Variants in CMYA5 observed in about 807,000 individuals in gnomAD.
The protein encoded by CMYA5 is cardiomyopathy-associated protein 5.
In CMYA5, 246 loss-of-function variants were observed where a neutral mutation model predicts 318.9. The observed-to-expected ratio is 0.77, with a 90% CI of 0.70 to 0.86. CMYA5 has a LOEUF of 0.86. Ranked by LOEUF, CMYA5 falls within the 40% of genes least tolerant of loss-of-function variation. The pLI is 0.00. For missense variants in CMYA5, 4,589 were observed against 4,678.2 expected (o/e 0.98, Z 0.56); for synonymous variants, 1,641 against 1,729.5 (o/e 0.95, Z 1.27).
intron 6 of CMYA5, among the ~76,000 whole-genome samples, chr5:79,757,821 C>G (rs1056155233): frequency 2.6e-5 from 4 of 152,210 alleles, no homozygotes; most frequent in Non-Finnish European, 5.9e-5. Flanking sequence ...AGAGTATTCT[C>G]AAGTGATCCC....
chr5:79,722,656 G>A (rs569451037), intron 1 of CMYA5, among the ~76,000 whole-genome samples: 2 of 126,208 alleles, frequency 1.6e-5, no homozygotes, highest in East Asian at 2.4e-4. Context: ...CAGCCTGGGT[G>A]ACAGAGTGAG....
chr5:79,759,361 G>T (rs1313511430), intron 7 of CMYA5, among the ~76,000 whole-genome samples: 1 of 152,366 alleles, frequency 6.6e-6, no homozygotes, highest in South Asian at 2.1e-4. Flanking sequence ...AGCATGGGAT[G>T]TCATGGGTGG....
At chr5:79,710,775 T>C (rs1259266862) in intron 1 of CMYA5, among the ~76,000 whole-genome samples, 1 of 152,198 alleles carries the variant, frequency 6.6e-6, no homozygotes, top group Non-Finnish European at 1.5e-5. Flanking sequence ...TGGGGCAAAA[T>C]GTATTAACAA....
In CMYA5 at chr5:79,753,584, T is replaced by A. The variant is rs539907081; in HGVS notation, c.11110+790T>A. Among the ~76,000 whole-genome samples the A allele has an allele frequency of 4.7e-5, 7 of 149,128 alleles. No individual in the cohort carries two copies. In the South Asian group the frequency reaches 1.5e-3, roughly 32 times the overall value. ...GGCAACATAGTAAGACCCCCATGTC[T>A]AAAAACAACAACAACAACAACAAAA... On this transcript the variant is annotated intron_variant, in intron 6 of 12. Transcript: ENST00000446378.
intron 1 of CMYA5, among the ~76,000 whole-genome samples, chr5:79,721,467 G>C (rs1030242557): frequency 2.0e-5 from 3 of 152,236 alleles, no homozygotes; most frequent in Non-Finnish European, 4.4e-5. Flanking sequence ...TGAACTAAAT[G>C]CTCTATTTAA....
Position 79,735,377 on chromosome 5 carries a change from A to C in CMYA5, c.6612A>C (p.Thr2204=), listed in dbSNP as rs766540048. 6.2e-6 allele frequency: 10 copies of C among 1,613,880 alleles called. No homozygotes were observed. The South Asian group carries it at 1.1e-4, about 18-fold the overall frequency. ...NKVAEQEDLE[T]QPSPSVEKAV... Reference sequence around the variant, plus strand: ...TTGCTGAACAAGAAGACTTAGAAACACAGCCAAGTCCATCCGTAGAAAAAG... The same window carrying C: ...TTGCTGAACAAGAAGACTTAGAAACCCAGCCAAGTCCATCCGTAGAAAAAG... The change falls in exon 2 of 13, where the codon ACA becomes ACC. Residue 2204 remains threonine (T), a synonymous_variant. Coordinates refer to ENST00000446378, the MANE Select transcript of CMYA5 (RefSeq NM_153610.5).
chr5:79,704,310 A>AC (rs1341544182), intron 1 of CMYA5, among the ~76,000 whole-genome samples: 1 of 151,924 alleles, frequency 6.6e-6, no homozygotes, highest in Non-Finnish European at 1.5e-5. Flanking sequence ...AAAGGGTATG[A>AC]CCCCCACTGT....
intron 11 of CMYA5, 142 bp downstream of exon 11, chr5:79,791,211 C>T (rs1829172744): frequency 1.7e-6 from 1 of 603,526 alleles, no homozygotes; most frequent in Non-Finnish European, 3.0e-6. Flanking sequence ...AATGTGTGCA[C>T]ATCCACACTG....
Position 79,730,676 on chromosome 5 carries a change from A to G in CMYA5, c.1911A>G (p.Glu637=). 1 of 1,614,014 alleles carries G rather than the reference A, an allele frequency of 6.2e-7. No individual in the cohort carries two copies. The highest frequency in any genetic ancestry group is 8.5e-7 in the Non-Finnish European group (1 of 1,179,874). The part of the protein sequence containing the change: ...HAVLSEEENE[E]FEAYSPAAAP... ...TTTTGTCAGAAGAAGAGAATGAGGA[A>G]TTTGAGGCTTATTCCCCAGCTGCAG... Residue 637 remains glutamate, a synonymous_variant, in exon 2 of 13, where the codon GAA becomes GAG. Transcript: ENST00000446378.
chr5:79,760,746 C>T (rs1240057714), intron 7 of CMYA5, among the ~76,000 whole-genome samples: 1 of 152,230 alleles, frequency 6.6e-6, no homozygotes, highest in Admixed American at 6.5e-5. Flanking sequence ...GGTGGGGACA[C>T]AGAACCAAAC....
In CMYA5 at chr5:79,799,791, A is replaced by G; in HGVS notation, c.*175A>G. 1 of 708,048 alleles carries G rather than the reference A, an allele frequency of 1.4e-6. No homozygotes were observed. The highest frequency in any genetic ancestry group is 2.2e-6 in the Non-Finnish European group (1 of 453,700). 43.9% of individuals were successfully genotyped at this position (708,048 alleles called of 1,614,324 possible). On this transcript the variant is annotated 3_prime_UTR_variant, in exon 13 of 13. Transcript: ENST00000446378. ...ATCGACAAGAAAACCTTGACTTTAC[A>G]GAGCAGTGTGTGAGTAAACAGAATG...
Position 79,732,354 on chromosome 5 carries a change from G to A in CMYA5, c.3589G>A (p.Glu1197Lys). 6.2e-7 allele frequency: 1 copy of A among 1,613,712 alleles called. No individual in the cohort carries two copies. The highest frequency in any genetic ancestry group is 1.6e-4 in the Middle Eastern group (1 of 6,062). ...AGCACTCACTCTAAAAGCTGCAGATGAACAGATGGCTTTGTCAAAAGTCAG... is the reference window on the plus strand; with the variant it reads ...AGCACTCACTCTAAAAGCTGCAGATAAACAGATGGCTTTGTCAAAAGTCAG... The part of the protein sequence containing the change: ...TAALTLKAAD[E>K]QMALSKVRKE... Residue 1197 changes from glutamate to lysine, a missense_variant, in exon 2 of 13, where the codon GAA becomes AAA. Glu to Lys is a moderately conservative substitution (Grantham distance 56). Transcript: ENST00000446378.
chr5:79,695,535 G>A (rs763615997), intron 1 of CMYA5, among the ~76,000 whole-genome samples: 9 of 152,184 alleles, frequency 5.9e-5, no homozygotes, highest in Non-Finnish European at 1.3e-4. Context: ...CATGTAGCTA[G>A]TGGCTATCAT....
At chr5:79,719,049 T>C (rs1827570679) in intron 1 of CMYA5, among the ~76,000 whole-genome samples, 1 of 149,088 alleles carries the variant, frequency 6.7e-6, no homozygotes, top group South Asian at 2.1e-4. Flanking sequence ...TTATACAAAC[T>C]TAACCTTCAG....
chr5:79,734,561 T>C lies in CMYA5; in HGVS notation c.5796T>C (p.Ala1932=). The part of the protein sequence containing the change: ...NELRPGQLKA[A]VSSKDHTCEV... ...TGAGGCCAGGGCAGCTCAAGGCTGC[T>C]GTGTCCAGTAAGGACCATACATGTG... is the stretch of plus-strand genomic sequence containing the variant. The change falls in exon 2 of 13, where the codon GCT becomes GCC. Residue 1932 remains alanine, a synonymous_variant. Transcript: ENST00000446378. 1 of 1,613,896 alleles carries C rather than the reference T, an allele frequency of 6.2e-7. No homozygotes were observed. The highest frequency in any genetic ancestry group is 8.5e-7 in the Non-Finnish European group (1 of 1,179,844).
chr5:79,716,752 A>G (rs1039762439), intron 1 of CMYA5, among the ~76,000 whole-genome samples: 1 of 152,214 alleles, frequency 6.6e-6, no homozygotes, highest in Non-Finnish European at 1.5e-5. Context: ...ACGCTGTTGT[A>G]CAGGTGAGGG....
At chr5:79,712,718 A>G (rs1490812776) in intron 1 of CMYA5, among the ~76,000 whole-genome samples, 8 of 152,184 alleles carry the variant, frequency 5.3e-5, no homozygotes, top group Admixed American at 3.3e-4. Flanking sequence ...AAGGCCATGA[A>G]GGAAATCTGA....
At chr5:79,720,469 T>C (rs1286637022) in intron 1 of CMYA5, among the ~76,000 whole-genome samples, 1 of 148,376 alleles carries the variant, frequency 6.7e-6, no homozygotes, top group Non-Finnish European at 1.5e-5. Flanking sequence ...GGAGTTTTGC[T>C]CTTGTTGCCC....
At chr5:79,718,345 T>C (rs892189815) in intron 1 of CMYA5, among the ~76,000 whole-genome samples, 19 of 152,208 alleles carry the variant, frequency 1.2e-4, no homozygotes, top group African/African-American at 4.3e-4. Context: ...TATAAAACAC[T>C]AACAGTTTGT....
Sources: gnomAD v4.1 joint callset for allele counts (sites outside exome capture counted in the v4.1 genomes callset) on GRCh38, gnomAD v4.1.1 for gene constraint, MANE v1.5 for transcripts, NCBI Gene and HGNC (gene_info 2026-07-23, HGNC 2026-07-21) for gene names.